The following AGBL1 variants were observed in gnomAD, a reference collection of about 807,000 sequenced individuals.
AGBL1 encodes the protein AGBL carboxypeptidase 1.
In AGBL1, 130 loss-of-function variants were observed where a neutral mutation model predicts 118.9. The ratio of observed to expected loss-of-function variants is 1.09; its 90% CI spans 0.95 to 1.26. AGBL1 has a LOEUF of 1.26. AGBL1 is among the 50% of genes most tolerant of loss of function. AGBL1 has a pLI of 0.00. For synonymous variants in AGBL1, 555 were observed against 478.9 expected (o/e 1.16, Z -2.08); for missense variants, 1,584 against 1,298.1 (o/e 1.22, Z -3.38).
At chr15:86,105,811 C>G (rs978049888) in intron 1 of AGBL1, among the ~76,000 whole-genome samples, 1 of 152,172 alleles carries the variant, frequency 6.6e-6, no homozygotes, top group Non-Finnish European at 1.5e-5. Context: ...CTCTTTGAAT[C>G]TTTTCTTGGT....
chr15:86,498,745 A>G (rs1466343246), intron 18 of AGBL1, among the ~76,000 whole-genome samples: 1 of 151,952 alleles, frequency 6.6e-6, no homozygotes, highest in Non-Finnish European at 1.5e-5. Context: ...TCAATTTAGG[A>G]AAAGGAAAGG....
intron 23 of AGBL1, among the ~76,000 whole-genome samples, chr15:86,936,617 G>T (rs2080679146): frequency 6.6e-6 from 1 of 152,122 alleles, no homozygotes; most frequent in Non-Finnish European, 1.5e-5. Flanking sequence ...GATTGAAGCT[G>T]GACCTCTTCC....
At chr15:86,093,261 GTC>G (rs1567048965) in intron 1 of AGBL1, among the ~76,000 whole-genome samples, 1 of 152,116 alleles carries the variant, frequency 6.6e-6, no homozygotes, top group Non-Finnish European at 1.5e-5. Context: ...TGAAAAGGTG[GTC>G]TCAGCTGTCT....
At chr15:86,568,700 G>A (rs1489969365) in intron 21 of AGBL1, among the ~76,000 whole-genome samples, 1 of 152,158 alleles carries the variant, frequency 6.6e-6, no homozygotes, top group Admixed American at 6.5e-5. Context: ...AGACTCCCAG[G>A]CCCCACCTAC....
At chr15:86,291,744 T>G (rs978381525) in intron 16 of AGBL1, among the ~76,000 whole-genome samples, 1 of 152,050 alleles carries the variant, frequency 6.6e-6, no homozygotes, top group African/African-American at 2.4e-5. Flanking sequence ...GCTTAGCTAG[T>G]TGTGTAGGTT....
At chr15:86,295,211 A>G (rs917019380) in intron 16 of AGBL1, 44 bp from the exon 17 acceptor site, 11 of 1,597,162 alleles carry the variant, frequency 6.9e-6, no homozygotes, top group African/African-American at 1.3e-5. Context: ...TTGTTGTTAT[A>G]AAAAATGTTG....
At chr15:86,180,665 A>G (rs532818142) in intron 5 of AGBL1, among the ~76,000 whole-genome samples, 2 of 152,152 alleles carry the variant, frequency 1.3e-5, no homozygotes, top group Non-Finnish European at 2.9e-5. Flanking sequence ...TAAACAATTG[A>G]TAAACTGTAC....
At chr15:86,545,076 G>A (rs1400215175) in intron 19 of AGBL1, among the ~76,000 whole-genome samples, 3 of 152,128 alleles carry the variant, frequency 2.0e-5, no homozygotes, top group Non-Finnish European at 4.4e-5. Context: ...CAGATATGAC[G>A]TTTGCCACGC....
intron 21 of AGBL1, among the ~76,000 whole-genome samples, chr15:86,561,225 G>C (rs1216337588): frequency 6.6e-6 from 1 of 152,170 alleles, no homozygotes; most frequent in Non-Finnish European, 1.5e-5. Context: ...CCTATGTCCT[G>C]AATGGTATTG....
At chr15:86,940,060 CTTTTTTTTT>C (rs5814267) in intron 23 of AGBL1, among the ~76,000 whole-genome samples, 1 of 59,418 alleles carries the variant, frequency 1.7e-5, no homozygotes. Flanking sequence ...TTTGGTAGTC[CTTTTTTTTT>C]TTTTTTTTTT....
intron 17 of AGBL1, chr15:86,299,717 G>C (rs1272113061): frequency 2.0e-5 from 3 of 152,074 alleles, no homozygotes; most frequent in Non-Finnish European, 4.4e-5. Flanking sequence ...TATGTGAATA[G>C]GTACTTTGAT....
At chr15:86,812,001 A>T (rs1174964297) in intron 22 of AGBL1, among the ~76,000 whole-genome samples, 3 of 152,170 alleles carry the variant, frequency 2.0e-5, no homozygotes, top group Non-Finnish European at 4.4e-5. Context: ...AGATCAATCA[A>T]CATATAAGAA....
chr15:86,799,381 C>A (rs2078618944), intron 22 of AGBL1, among the ~76,000 whole-genome samples: 1 of 152,012 alleles, frequency 6.6e-6, no homozygotes, highest in Admixed American at 6.6e-5. Flanking sequence ...CATGAGCACA[C>A]AGAAATTGCC....
At chr15:86,506,379 A>G (rs2082977878) in intron 18 of AGBL1, among the ~76,000 whole-genome samples, 1 of 152,056 alleles carries the variant, frequency 6.6e-6, no homozygotes, top group Non-Finnish European at 1.5e-5. Flanking sequence ...GTTGCCCAAC[A>G]GTTTTCTACT....
chr15:86,925,538 C>G (rs2080527095), intron 23 of AGBL1, among the ~76,000 whole-genome samples: 1 of 152,060 alleles, frequency 6.6e-6, no homozygotes, highest in African/African-American at 2.4e-5. Context: ...TCCTTTATAT[C>G]TCAGAGAATG....
chr15:86,525,199 A>G (rs1176354343), intron 19 of AGBL1, among the ~76,000 whole-genome samples: 1 of 152,204 alleles, frequency 6.6e-6, no homozygotes, highest in Non-Finnish European at 1.5e-5. Flanking sequence ...AGGAAGGTAA[A>G]AGATCACTAC....
chr15:86,845,238 T>A (rs2079302029), intron 22 of AGBL1, among the ~76,000 whole-genome samples: 1 of 152,138 alleles, frequency 6.6e-6, no homozygotes, highest in Non-Finnish European at 1.5e-5. Context: ...TAAATCAGTT[T>A]GAGGAAAATT....
chr15:86,999,690 G>T (rs1465977649), intron 24 of AGBL1, among the ~76,000 whole-genome samples: 20 of 151,382 alleles, frequency 1.3e-4, no homozygotes, highest in Non-Finnish European at 8.8e-5. Flanking sequence ...TAAACACACG[G>T]GTGCATGTGT....
At chr15:86,605,754 A>T (rs910678527) in intron 21 of AGBL1, among the ~76,000 whole-genome samples, 1 of 150,830 alleles carries the variant, frequency 6.6e-6, no homozygotes, top group Admixed American at 6.6e-5. Flanking sequence ...GCTGTATGTG[A>T]GTGTGTGTGT....
Sources: gnomAD v4.1 joint callset for allele counts (sites outside exome capture counted in the v4.1 genomes callset) on GRCh38, gnomAD v4.1.1 for gene constraint, MANE v1.5 for transcripts, NCBI Gene and HGNC (gene_info 2026-07-23, HGNC 2026-07-21) for gene names.